The following BTBD9 variants were observed in gnomAD, a reference collection of about 807,000 sequenced individuals.
BTBD9 encodes BTB domain containing 9, also known as BTB/POZ domain-containing protein 9.
BTBD9 carries 49 observed loss-of-function variants against 64.3 expected under a neutral mutation model. The observed-to-expected ratio is 0.76, with a 90% CI of 0.61 to 0.97. BTBD9 has a LOEUF of 0.97. Ranked by LOEUF, BTBD9 falls within the 50% of genes least tolerant of loss-of-function variation. The probability of loss-of-function intolerance (pLI) is 0.00; values close to 1 mark genes in which losing one functional copy is unlikely to be tolerated. For synonymous variants in BTBD9, 260 were observed against 274.7 expected (o/e 0.95, Z 0.53); for missense variants, 598 against 762.1 (o/e 0.78, Z 2.53).
chr6:38,268,820 G>C (rs1228741926), intron 8 of BTBD9, among the ~76,000 whole-genome samples: 2 of 152,202 alleles, frequency 1.3e-5, no homozygotes, highest in Non-Finnish European at 2.9e-5. Flanking sequence ...CTACCAGCGT[G>C]AGCTGCGACT....
At position 38,521,120 on chromosome 6, in the gene BTBD9, A is replaced by G. The variant is rs956053004; in HGVS notation, c.1154+56480T>C. Among the ~76,000 whole-genome samples the G allele has an allele frequency of 3.4e-5, 5 of 147,662 alleles. No homozygotes were observed. In the Admixed American group the frequency reaches 3.4e-4, roughly 10 times the overall value. On this transcript the variant is annotated intron_variant, in intron 6 of 10. Transcript: ENST00000481247. ...TTACACACACTGTGTACCCACAAAA[A>G]CTGAAAATAATTAAAAAAAAAAAAA...
intron 6 of BTBD9, among the ~76,000 whole-genome samples, chr6:38,361,070 C>T (rs1302977875): frequency 1.3e-5 from 2 of 152,022 alleles, no homozygotes; most frequent in Non-Finnish European, 2.9e-5. Context: ...GGGTCTGGAT[C>T]AGTGTTTCTT....
At chr6:38,325,043 C>T (rs1022092927) in intron 7 of BTBD9, among the ~76,000 whole-genome samples, 2 of 151,966 alleles carry the variant, frequency 1.3e-5, no homozygotes, top group South Asian at 2.1e-4. Flanking sequence ...TATAAATTTG[C>T]TAATAATATA....
At chr6:38,206,133 C>T (rs1217506400) in intron 9 of BTBD9, among the ~76,000 whole-genome samples, 4 of 151,744 alleles carry the variant, frequency 2.6e-5, no homozygotes, top group Non-Finnish European at 5.9e-5. Flanking sequence ...ATTTGTGTTG[C>T]TCTGACAACA....
At chr6:38,530,568 G>A (rs953207596) in intron 6 of BTBD9, among the ~76,000 whole-genome samples, 1 of 97,958 alleles carries the variant, frequency 1.0e-5, no homozygotes, top group African/African-American at 3.0e-5. Context: ...CGACACTTAT[G>A]GAAAATAGAA....
At chr6:38,363,086 ATTTAT>A (rs542664253) in intron 6 of BTBD9, among the ~76,000 whole-genome samples, 2 of 152,064 alleles carry the variant, frequency 1.3e-5, no homozygotes, top group Admixed American at 6.6e-5. Flanking sequence ...TTTTTATTTT[ATTTAT>A]TTTATTTTAT....
At chr6:38,406,107 T>C (rs1461184841) in intron 6 of BTBD9, among the ~76,000 whole-genome samples, 2 of 152,160 alleles carry the variant, frequency 1.3e-5, no homozygotes, top group East Asian at 3.8e-4. Flanking sequence ...CCAACACACA[T>C]TCATAGGTCT....
intron 5 of BTBD9, 23 bp from the exon 6 acceptor site, chr6:38,577,742 A>T (rs753350415): frequency 6.3e-7 from 1 of 1,593,146 alleles, no homozygotes; most frequent in Non-Finnish European, 8.5e-7. Flanking sequence ...AGGAAAAAGC[A>T]GAAAAAAATT....
At chr6:38,202,085 GTT>G (rs147043026) in intron 9 of BTBD9, among the ~76,000 whole-genome samples, 236 of 120,580 alleles carry the variant, frequency 2.0e-3, no homozygotes, top group Admixed American at 5.7e-3. Context: ...CGTTTTTTTT[GTT>G]TTTTTTTTTT....
At chr6:38,241,450 C>T (rs1763989544) in intron 9 of BTBD9, among the ~76,000 whole-genome samples, 1 of 152,228 alleles carries the variant, frequency 6.6e-6, no homozygotes, top group Non-Finnish European at 1.5e-5. Flanking sequence ...GTCAAGATTG[C>T]TAAGCCACAT....
chr6:38,518,952 G>C (rs1056653602), intron 6 of BTBD9, among the ~76,000 whole-genome samples: 2 of 152,226 alleles, frequency 1.3e-5, no homozygotes, highest in Admixed American at 6.5e-5. Flanking sequence ...AAAAAATAAA[G>C]GAGCACAGGT....
At chr6:38,589,920 T>A (rs571263642) in intron 4 of BTBD9, among the ~76,000 whole-genome samples, 1 of 152,182 alleles carries the variant, frequency 6.6e-6, no homozygotes, top group African/African-American at 2.4e-5. Context: ...CCCCTGGCAA[T>A]AGGTTTTCTC....
chr6:38,450,598 G>A (rs879922284), intron 6 of BTBD9, among the ~76,000 whole-genome samples: 6 of 152,162 alleles, frequency 3.9e-5, no homozygotes, highest in Non-Finnish European at 7.4e-5. Flanking sequence ...TCAGGCAACA[G>A]GGAGACAACT....
intron 6 of BTBD9, among the ~76,000 whole-genome samples, chr6:38,506,534 A>C (rs570288559): frequency 6.6e-6 from 1 of 152,330 alleles, no homozygotes; most frequent in East Asian, 1.9e-4. Context: ...AAAAGATGAA[A>C]ATTCAAAAGT....
chr6:38,430,018 A>T (rs1320486953), intron 6 of BTBD9, among the ~76,000 whole-genome samples: 1 of 151,880 alleles, frequency 6.6e-6, no homozygotes, highest in Admixed American at 6.6e-5. Context: ...CTGGGCTCCC[A>T]TATCTTCTCA....
chr6:38,317,329 T>C (rs1239984352), intron 7 of BTBD9, among the ~76,000 whole-genome samples: 2 of 152,198 alleles, frequency 1.3e-5, no homozygotes, highest in Non-Finnish European at 2.9e-5. Flanking sequence ...TGCCACTCTC[T>C]TCTGGCCTGT....
intron 9 of BTBD9, among the ~76,000 whole-genome samples, chr6:38,194,857 A>AGAGGCAGGG (rs1382554776): frequency 7.2e-5 from 11 of 152,078 alleles, no homozygotes; most frequent in African/African-American, 2.7e-4. Context: ...GGGAGGCAGG[A>AGAGGCAGGG]GAGGCAGGGG....
At chr6:38,574,110 C>A (rs1020457221) in intron 6 of BTBD9, among the ~76,000 whole-genome samples, 6 of 152,190 alleles carry the variant, frequency 3.9e-5, no homozygotes, top group Non-Finnish European at 7.3e-5. Flanking sequence ...CTACATAGAG[C>A]AATCCCCACT....
intron 6 of BTBD9, among the ~76,000 whole-genome samples, chr6:38,507,138 C>G (rs1186289001): frequency 6.6e-6 from 1 of 152,346 alleles, no homozygotes. Flanking sequence ...TCTGACCACA[C>G]AATCTTAAGT....
Sources: gnomAD v4.1 joint callset for allele counts (sites outside exome capture counted in the v4.1 genomes callset) on GRCh38, gnomAD v4.1.1 for gene constraint, MANE v1.5 for transcripts, NCBI Gene and HGNC (gene_info 2026-07-23, HGNC 2026-07-21) for gene names.